The following UBE2W variants were observed in gnomAD, a reference collection of about 807,000 sequenced individuals.
UBE2W encodes the protein ubiquitin conjugating enzyme E2 W, also known as ubiquitin-conjugating enzyme E2 W.
In UBE2W, 18 loss-of-function variants were observed where a neutral mutation model predicts 27.2. That is an observed-to-expected ratio of 0.66 (90% CI 0.46 to 0.98). UBE2W has a LOEUF of 0.98. UBE2W is among the 50% of genes least tolerant of loss of function. The probability of loss-of-function intolerance (pLI) is 0.00; values close to 1 mark genes in which losing one functional copy is unlikely to be tolerated. For synonymous variants in UBE2W, 53 were observed against 57.2 expected, an observed-to-expected ratio of 0.93 and a Z score of 0.33; for missense variants, 90 against 180.2, an observed-to-expected ratio of 0.50 and a Z score of 2.87.
At chr8:73,780,537 ATTTAT>A (rs1326652534) in intron 4 of UBE2W, 11 of 451,042 alleles carry the variant, frequency 2.4e-5, no homozygotes, top group Non-Finnish European at 4.4e-5. Context: ...AAATTTATTT[ATTTAT>A]TTATTTTTTG....
chr8:73,802,299 C>A (rs934405245), intron 5 of UBE2W, among the ~76,000 whole-genome samples: 5 of 152,178 alleles, frequency 3.3e-5, no homozygotes, highest in African/African-American at 1.2e-4. Context: ...TAAAACTCTG[C>A]AGATTCAGAA....
rs1808222008 is a variant in UBE2W at position 73,791,946 on chromosome 8, T to C, written c.*2156A>G. On this transcript the variant is annotated 3_prime_UTR_variant, in exon 6 of 6. Coordinates refer to ENST00000602593, the MANE Select transcript of UBE2W (RefSeq NM_018299.6). ...TGACCTATTACTCTATAGTATAGCA[T>C]TGTTAATCTTTGACTCAGTATATTA... The C allele has an allele frequency of 3.0e-6, 3 of 985,244 alleles. No individual in the cohort carries two copies. Among genetic ancestry groups the C allele is most frequent in the Non-Finnish European group, 3.6e-6 (3 of 829,750 alleles). The allele number at this position is 985,244 out of a possible 1,614,324, so 61.0% of individuals were successfully genotyped here.
At chr8:73,816,990 C>T (rs1266518985) in intron 3 of UBE2W, among the ~76,000 whole-genome samples, 3 of 148,404 alleles carry the variant, frequency 2.0e-5, no homozygotes, top group Middle Eastern at 3.8e-3. Context: ...GCCAAGATTG[C>T]GCCACTTCAC....
intron 3 of UBE2W, among the ~76,000 whole-genome samples, chr8:73,811,107 G>A (rs1809132710): frequency 6.6e-6 from 1 of 152,044 alleles, no homozygotes; most frequent in South Asian, 2.1e-4. Context: ...TGTGCAAAGG[G>A]AAATGACTGT....
intron 1 of UBE2W, chr8:73,870,319 G>A: frequency 1.3e-6 from 2 of 1,571,092 alleles, no homozygotes; most frequent in Middle Eastern, 1.7e-4. Context: ...TACAAAGAAA[G>A]ACCTCATGTA....
chr8:73,855,643 T>C (rs1811265045), intron 1 of UBE2W, among the ~76,000 whole-genome samples: 1 of 152,004 alleles, frequency 6.6e-6, no homozygotes, highest in Non-Finnish European at 1.5e-5. Flanking sequence ...TGACCTCAAG[T>C]AATCTGCCCA....
chr8:73,800,735 C>T (rs1352453817), intron 5 of UBE2W, among the ~76,000 whole-genome samples: 1 of 152,174 alleles, frequency 6.6e-6, no homozygotes, highest in Non-Finnish European at 1.5e-5. Context: ...CTAAAAAGAA[C>T]TTTCTACTTC....
intron 1 of UBE2W, among the ~76,000 whole-genome samples, chr8:73,877,670 G>A (rs886236378): frequency 1.3e-5 from 2 of 152,174 alleles, no homozygotes; most frequent in African/African-American, 4.8e-5. Context: ...CTTTACCCAA[G>A]GGGATATTAT....
chr8:73,842,795 G>A (rs58204685), intron 1 of UBE2W, among the ~76,000 whole-genome samples: 4,749 of 152,160 alleles, frequency 0.031, 228 homozygotes, highest in African/African-American at 0.1. Context: ...TTATTTGGCT[G>A]TTTTACAAAA....
intron 1 of UBE2W, among the ~76,000 whole-genome samples, chr8:73,837,658 T>TG (rs1810364208): frequency 6.6e-6 from 1 of 152,272 alleles, no homozygotes; most frequent in African/African-American, 2.4e-5. Context: ...TTAGCTGTGC[T>TG]GCCTGGCCTG....
intron 4 of UBE2W, among the ~76,000 whole-genome samples, chr8:73,781,122 T>C (rs1389302470): frequency 2.0e-5 from 3 of 151,544 alleles, no homozygotes; most frequent in Non-Finnish European, 4.4e-5. Context: ...ATACAAAAAT[T>C]AGCCAGGCAT....
intron 1 of UBE2W, among the ~76,000 whole-genome samples, chr8:73,861,755 A>G (rs1811542927): frequency 6.6e-6 from 1 of 152,200 alleles, no homozygotes; most frequent in Non-Finnish European, 1.5e-5. Flanking sequence ...GAACCGCCCC[A>G]TAGCCACATC....
At chr8:73,805,472 C>CAAAAAAAAAAAAAACAAACAAAAAAAA in intron 5 of UBE2W, among the ~76,000 whole-genome samples, 179 bp downstream of exon 5, 2 of 43,676 alleles carry the variant, frequency 4.6e-5, no homozygotes, top group Non-Finnish European at 9.9e-5. Flanking sequence ...AAAAAAAAAA[C>CAAAAAAAAAAAAAACAAACAAAAAAAA]AAAAAAAACT....
downstream of UBE2W, among the ~76,000 whole-genome samples, chr8:73,783,118 T>C (rs1010958541): frequency 1.3e-5 from 2 of 152,242 alleles, no homozygotes; most frequent in African/African-American, 4.8e-5. Flanking sequence ...CTTCATTGGG[T>C]TTTGTTACTG....
At chr8:73,822,663 A>G (rs112488418) in intron 3 of UBE2W, among the ~76,000 whole-genome samples, 8,451 of 140,592 alleles carry the variant, frequency 0.06, 800 homozygotes, top group African/African-American at 0.2. Context: ...ATGCACCTGT[A>G]GTCCCAGCTG....
chr8:73,780,560 A>G (rs1374725791), intron 4 of UBE2W: 1 of 447,194 alleles, frequency 2.2e-6, no homozygotes, highest in Non-Finnish European at 4.5e-6. Context: ...TTGAGACAGT[A>G]TGTCACTCTA....
At chr8:73,821,951 G>T (rs1809631534) in intron 3 of UBE2W, among the ~76,000 whole-genome samples, 1 of 152,134 alleles carries the variant, frequency 6.6e-6, no homozygotes, top group African/African-American at 2.4e-5. Context: ...GTGTGCCAAA[G>T]AAATAATCCC....
chr8:73,800,710 C>T (rs541987597), intron 5 of UBE2W, among the ~76,000 whole-genome samples: 83 of 152,238 alleles, frequency 5.5e-4, no homozygotes, highest in Non-Finnish European at 8.8e-4. Flanking sequence ...TTGGAGATTA[C>T]GTGTCTCCAA....
chr8:73,867,138 C>A lies in UBE2W; in HGVS notation c.15+11670G>T, dbSNP rs959421612. On this transcript the variant is annotated intron_variant, in intron 1 of 5. Coordinates refer to ENST00000602593, the MANE Select transcript of UBE2W (RefSeq NM_018299.6). ...GTTTAGGACCAGGTGTGGTGGCTCA[C>A]GCCTGTGATCTCAGCATGTTGGGAG... is the stretch of plus-strand genomic sequence containing the variant. 4.6e-5 allele frequency among the ~76,000 whole-genome samples: 7 copies of A among 152,314 alleles called. 1 individual carries two copies. Among genetic ancestry groups the A allele is most frequent in the Non-Finnish European group, 1.5e-5 (1 of 68,036 alleles).
Sources: gnomAD v4.1 joint callset for allele counts (sites outside exome capture counted in the v4.1 genomes callset) on GRCh38, gnomAD v4.1.1 for gene constraint, MANE v1.5 for transcripts, NCBI Gene and HGNC (gene_info 2026-07-23, HGNC 2026-07-21) for gene names.